SAP30BP: variants seen among roughly 807,000 people sequenced by gnomAD.
The protein encoded by SAP30BP is SAP30 binding protein.
In SAP30BP, 31 loss-of-function variants were observed where a neutral mutation model predicts 46.3. The observed-to-expected ratio is 0.67, with a 90% CI of 0.50 to 0.90. The LOEUF (loss-of-function observed/expected upper bound fraction) is 0.90. Ranked by LOEUF, SAP30BP falls within the 40% of genes least tolerant of loss-of-function variation. SAP30BP has a pLI of 0.00. For synonymous variants in SAP30BP, 169 were observed against 144.2 expected (o/e 1.17, Z -1.23); for missense variants, 312 against 391.0 (o/e 0.80, Z 1.70).
At chr17:75,674,023 T>A (rs937323298) in intron 3 of SAP30BP, among the ~76,000 whole-genome samples, 1 of 152,204 alleles carries the variant, frequency 6.6e-6, no homozygotes, top group Non-Finnish European at 1.5e-5. Flanking sequence ...TCACTTGATA[T>A]AGTTCTTTTG....
chr17:75,671,304 C>T lies in SAP30BP; in HGVS notation c.217-512C>T, dbSNP rs553555103. ...CCTGTGTTGATGTTTGTGCAAATGC[C>T]GGTTGAGGTGCTGCGATACAGCTGT... On this transcript the variant is annotated intron_variant, in intron 2 of 10. Transcript: ENST00000584667. Among the ~76,000 whole-genome samples the T allele has an allele frequency of 6.2e-4, 94 of 152,232 alleles. 1 individual carries two copies. The highest frequency in any genetic ancestry group is 6.8e-3 in the Middle Eastern group (2 of 294).
chr17:75,683,349 A>AAAT (rs758132585), intron 3 of SAP30BP, among the ~76,000 whole-genome samples: 55 of 151,538 alleles, frequency 3.6e-4, no homozygotes, highest in Non-Finnish European at 7.4e-4. Context: ...GCTTGGTAAA[A>AAAT]AATAATAATA....
intron 3 of SAP30BP, among the ~76,000 whole-genome samples, chr17:75,677,395 G>C (rs987135400): frequency 4.0e-5 from 6 of 148,346 alleles, no homozygotes; most frequent in Non-Finnish European, 8.9e-5. Context: ...GAGCCACCAC[G>C]CCCGGCCTAT....
intron 3 of SAP30BP, among the ~76,000 whole-genome samples, chr17:75,687,502 G>C (rs894899597): frequency 9.2e-5 from 14 of 151,952 alleles, no homozygotes; most frequent in African/African-American, 3.1e-4. Flanking sequence ...TGTAATCCCA[G>C]CTACTTGGGA....
chr17:75,699,939 C>A, intron 5 of SAP30BP, 68 bp downstream of exon 5: 1 of 1,183,140 alleles, frequency 8.5e-7, no homozygotes, highest in Non-Finnish European at 1.2e-6. Flanking sequence ...TTGGTTTGGT[C>A]TTAATCTTAA....
chr17:75,697,085 T>TA (rs1568318557), intron 4 of SAP30BP, among the ~76,000 whole-genome samples: 3 of 152,098 alleles, frequency 2.0e-5, no homozygotes. Context: ...CCCCTCCTCT[T>TA]ACACTGTACA....
At chr17:75,667,723 A>T (rs1414172815) in intron 1 of SAP30BP, among the ~76,000 whole-genome samples, 1 of 152,216 alleles carries the variant, frequency 6.6e-6, no homozygotes. Flanking sequence ...ATAGTGATAG[A>T]CAGAGGGATG....
Position 75,703,961 on chromosome 17 carries a change from CTA to C in SAP30BP, c.601+104_601+105del. ...GGTGACACATATTTCAGGGTCTACT[CTA>C]TGTCAGGCCATGTTCAAGGGGGCTG... On this transcript the variant is annotated intron_variant, in intron 8 of 10. Coordinates refer to ENST00000584667, the MANE Select transcript of SAP30BP (RefSeq NM_013260.8). 3.4e-6 allele frequency: 3 copies of C among 889,032 alleles called. No individual in the cohort carries two copies. The East Asian group carries it at 7.2e-5, about 21-fold the overall frequency. The allele number at this position is 889,032 out of a possible 1,614,324, so 55.1% of individuals were successfully genotyped here.
Position 75,688,947 on chromosome 17 carries a change from G to A in SAP30BP, c.265-4493G>A, listed in dbSNP as rs141922883. 6.2e-3 allele frequency among the ~76,000 whole-genome samples: 940 copies of A among 152,204 alleles called. 6 individuals carry two copies. The highest frequency in any genetic ancestry group is 9.5e-3 in the Non-Finnish European group (649 of 68,016). ...ATCACTATTCTTCTCCAGGGACAGC[G>A]CCCAGTGTGCCGCAGCCGCCTCCTG... On this transcript the variant is annotated intron_variant, in intron 3 of 10. Transcript: ENST00000584667.
rs1047152470 is a variant in SAP30BP, at chr17:75,707,821, T to A, written c.*1300T>A. On this transcript the variant is annotated 3_prime_UTR_variant, in exon 11 of 11. Transcript: ENST00000584667. ...GTGACCTCCGATGGCGGCCCCTCAT[T>A]GGCCAAGGGCACTGTGGATGTTTTG... The A allele has an allele frequency of 2.2e-4, 33 of 152,140 alleles. No individual in the cohort carries two copies. Among genetic ancestry groups the A allele is most frequent in the African/African-American group, 7.7e-4 (32 of 41,406 alleles). 9.4% of individuals were successfully genotyped at this position (152,140 alleles called of 1,614,324 possible). A position where few individuals can be genotyped will look rare whatever the true frequency, so the allele number is the denominator to read the frequency against.
chr17:75,702,556 A>G lies in SAP30BP; in HGVS notation c.473A>G (p.Glu158Gly). 6.5e-7 allele frequency: 1 copy of G among 1,545,326 alleles called. No homozygotes were observed. The change falls in exon 6 of 11, where the codon GAA (glutamate) becomes GGA (glycine). Residue 158 changes from glutamate (E) to glycine (G), a missense_variant. Glu to Gly is a moderately conservative substitution (Grantham distance 98). Around this residue, in one of 2 missense-constraint regions of SAP30BP, gnomAD observed 296 missense variants for 346.6 expected, o/e 0.85. Transcript: ENST00000584667. ...DMNYIIQRKK[E>G]FRNPSIYEKL... ...AACTACATTATCCAAAGGAAGAAAGAATTTCGGAACCCTAGGTAAGTTTCC... is the reference window on the plus strand; with the variant it reads ...AACTACATTATCCAAAGGAAGAAAGGATTTCGGAACCCTAGGTAAGTTTCC...
intron 5 of SAP30BP, among the ~76,000 whole-genome samples, chr17:75,702,092 A>C (rs1233712203): frequency 6.6e-6 from 1 of 152,168 alleles, no homozygotes; most frequent in African/African-American, 2.4e-5. Flanking sequence ...GCATGATCTC[A>C]GCTCACTGCA....
chr17:75,695,336 G>C (rs1334555264), intron 4 of SAP30BP, among the ~76,000 whole-genome samples: 2 of 152,234 alleles, frequency 1.3e-5, no homozygotes, highest in Admixed American at 1.3e-4. Context: ...CCTTGGGGCA[G>C]AATCACCCCT....
intron 3 of SAP30BP, among the ~76,000 whole-genome samples, chr17:75,674,706 T>G (rs944093585): frequency 9.3e-5 from 11 of 117,890 alleles, no homozygotes; most frequent in Middle Eastern, 3.8e-3. Context: ...TGTTTTTTTT[T>G]TTTTTTTTTT....
rs937745173 is a variant in SAP30BP, at chr17:75,707,187, G to A, written c.*666G>A. ...GTGCAGAGAGTGGGGAGGCGTCAGCGCCTGGCCAGGGCTGCCCCAGTCCTT... is the reference window on the plus strand; with the variant it reads ...GTGCAGAGAGTGGGGAGGCGTCAGCACCTGGCCAGGGCTGCCCCAGTCCTT... On this transcript the variant is annotated 3_prime_UTR_variant, in exon 11 of 11. Transcript: ENST00000584667. 2 of 152,672 alleles carry A rather than the reference G, an allele frequency of 1.3e-5. No homozygotes were observed. Among genetic ancestry groups the A allele is most frequent in the Admixed American group, 6.5e-5 (1 of 15,312 alleles). 9.5% of individuals were successfully genotyped at this position (152,672 alleles called of 1,614,324 possible). A position where few individuals can be genotyped will look rare whatever the true frequency, so the allele number is the denominator to read the frequency against.
At chr17:75,691,004 C>G (rs1478628184) in intron 3 of SAP30BP, among the ~76,000 whole-genome samples, 4 of 152,166 alleles carry the variant, frequency 2.6e-5, no homozygotes, top group Non-Finnish European at 5.9e-5. Context: ...GCAGGAGAAT[C>G]TTCTTGAACT....
intron 3 of SAP30BP, among the ~76,000 whole-genome samples, chr17:75,678,317 G>A (rs972678862): frequency 2.0e-5 from 3 of 152,104 alleles, no homozygotes; most frequent in African/African-American, 7.2e-5. Flanking sequence ...TTTGCATTTA[G>A]CCTTGGGAAT....
Position 75,706,098 on chromosome 17 carries a change from T to TG in SAP30BP, c.745+6_745+7insG. 6.2e-7 allele frequency: 1 copy of TG among 1,609,798 alleles called. No individual in the cohort carries two copies. The highest frequency in any genetic ancestry group is 8.5e-7 in the Non-Finnish European group (1 of 1,178,152). On this transcript the variant is annotated splice_region_variant and intron_variant, in intron 10 of 10. Transcript: ENST00000584667. This position sits in a 1 kb window ranked among gnomAD's most constrained non-coding sequence, Gnocchi z 4.6. The stretch of plus-strand genomic sequence containing the variant: ...TGCCAGCACAGCTGTTGCAGGTAGA[T>TG]TGCAGAGCTGCCCTGCCTCCTGCCA...
At chr17:75,701,980 G>T (rs2060418138) in intron 5 of SAP30BP, among the ~76,000 whole-genome samples, 1 of 152,132 alleles carries the variant, frequency 6.6e-6, no homozygotes, top group East Asian at 1.9e-4. Flanking sequence ...TCTTACTTGT[G>T]TGCAGTTCTG....
Sources: allele counts gnomAD v4.1 joint callset (sites outside exome capture counted in the v4.1 genomes callset), GRCh38; gene constraint gnomAD v4.1.1; regional missense constraint gnomAD v4.1.1; non-coding constraint Gnocchi (gnomAD v3.1); transcripts MANE v1.5; gene names NCBI Gene and HGNC (gene_info 2026-07-23, HGNC 2026-07-21).